BTBD8: variants seen among roughly 807,000 people sequenced by gnomAD.
BTBD8 encodes the protein BTB domain containing 8, also known as BTB/POZ domain-containing protein 8.
Under a neutral mutation model 162.9 loss-of-function variants are expected in BTBD8, and 110 were observed. That is an observed-to-expected ratio of 0.68 (90% CI 0.58 to 0.79). The LOEUF (loss-of-function observed/expected upper bound fraction) is 0.79, where lower values mean the gene tolerates loss of function less well. Ranked by LOEUF, BTBD8 falls within the 30% of genes least tolerant of loss-of-function variation. BTBD8 has a pLI of 0.00. For synonymous variants in BTBD8, 667 were observed against 716.1 expected (o/e 0.93, Z 1.10); for missense variants, 1,905 against 2,085.4 (o/e 0.91, Z 1.68).
At chr1:92,166,925 C>A in intron 9 of BTBD8, 33 bp from the exon 10 acceptor site, 1 of 1,519,176 alleles carries the variant, frequency 6.6e-7, no homozygotes, top group Non-Finnish European at 8.9e-7. Context: ...GCAGTAATAG[C>A]ATCTAACTTT....
intron 7 of BTBD8, among the ~76,000 whole-genome samples, chr1:92,141,749 A>G (rs1649779059): frequency 6.6e-6 from 1 of 152,206 alleles, no homozygotes; most frequent in African/African-American, 2.4e-5. Context: ...CCATTCATAC[A>G]TTATTCTTAG....
At chr1:92,123,379 A>ACT (rs1284921197) in intron 4 of BTBD8, among the ~76,000 whole-genome samples, 1 of 152,210 alleles carries the variant, frequency 6.6e-6, no homozygotes, top group East Asian at 1.9e-4. Flanking sequence ...ATCTATTGCT[A>ACT]CTAAAAATGC....
intron 4 of BTBD8, among the ~76,000 whole-genome samples, chr1:92,121,154 T>G (rs1649197545): frequency 6.6e-6 from 1 of 152,260 alleles, no homozygotes; most frequent in African/African-American, 2.4e-5. Flanking sequence ...TTGATTTTTC[T>G]CCATTCTTTT....
At chr1:92,173,125 A>G (rs1278680561) in intron 13 of BTBD8, among the ~76,000 whole-genome samples, 2 of 152,092 alleles carry the variant, frequency 1.3e-5, no homozygotes, top group Admixed American at 6.6e-5. Context: ...GGGTTTCTCC[A>G]TGTTGTTCAG....
chr1:92,084,157 C>G lies in BTBD8; in HGVS notation c.149+3437C>G, dbSNP rs549360596. On this transcript the variant is annotated intron_variant, in intron 1 of 17. Transcript: ENST00000636805. ...TAAATATATTTTAATTTTATCCCAT[C>G]TTTATCACCATTGATCCTCTCCTGG... Among the ~76,000 whole-genome samples the G allele has an allele frequency of 4.6e-4, 70 of 152,318 alleles. 1 individual carries two copies. The highest frequency in any genetic ancestry group is 9.6e-4 in the East Asian group (5 of 5,184).
At chr1:92,126,688 C>T (rs185826185) in intron 4 of BTBD8, among the ~76,000 whole-genome samples, 7 of 152,304 alleles carry the variant, frequency 4.6e-5, no homozygotes, top group Admixed American at 4.6e-4. Flanking sequence ...GCTGTTACTG[C>T]TTCATTTTGG....
Position 92,177,869 on chromosome 1 carries a change from T to G in BTBD8, c.2412T>G (p.Ile804Met). The change falls in exon 15 of 18, where the codon ATT becomes ATG. Residue 804 changes from isoleucine (I) to methionine (M), a missense_variant. Ile to Met is a conservative substitution (Grantham distance 10). Coordinates refer to ENST00000636805, the MANE Select transcript of BTBD8 (RefSeq NM_001376131.1). ...ATGGAACTTCCAATAAAAAAAGTAT[T>G]CATGAACAAGACACTAATGTAAATA... is the stretch of plus-strand genomic sequence containing the variant. ...VTNGTSNKKS[I>M]HEQDTNVNNS... The G allele has an allele frequency of 3.9e-6, 6 of 1,538,686 alleles. No homozygotes were observed. Among genetic ancestry groups the G allele is most frequent in the Non-Finnish European group, 5.3e-6 (6 of 1,135,554 alleles).
At chr1:92,098,066 G>A (rs1262430582) in intron 2 of BTBD8, among the ~76,000 whole-genome samples, 1 of 152,150 alleles carries the variant, frequency 6.6e-6, no homozygotes, top group East Asian at 1.9e-4. Context: ...AGGCACTCCT[G>A]CCCACGTGTA....
In BTBD8 at chr1:92,184,095, C is replaced by G. The variant is rs1019586764; in HGVS notation, c.5144C>G (p.Thr1715Arg). 2.9e-5 allele frequency: 45 copies of G among 1,551,542 alleles called. No homozygotes were observed. Among genetic ancestry groups the G allele is most frequent in the Non-Finnish European group, 3.8e-5 (44 of 1,146,884 alleles). ...LSEQDSNLDV[T>R]NSVPEDLSLA... ...GAACAGGATTCAAACTTAGATGTTA[C>G]AAATTCCGTTCCTGAAGACTTAAGT... Residue 1715 changes from threonine to arginine, a missense_variant, in exon 18 of 18, where the codon ACA (threonine) becomes AGA (arginine). This residue lies in a region of BTBD8 where 517 missense variants were observed against 606.6 expected (regional missense o/e 0.85). Coordinates refer to ENST00000636805, the MANE Select transcript of BTBD8 (RefSeq NM_001376131.1).
chr1:92,114,135 TTG>T (rs1648976541), intron 4 of BTBD8, among the ~76,000 whole-genome samples: 1 of 151,886 alleles, frequency 6.6e-6, no homozygotes, highest in South Asian at 2.1e-4. Context: ...TAAGAAATAA[TTG>T]TTAAAAAAAA....
chr1:92,143,327 TG>T (rs1217524514), intron 7 of BTBD8, among the ~76,000 whole-genome samples: 3 of 152,076 alleles, frequency 2.0e-5, no homozygotes, highest in Non-Finnish European at 4.4e-5. Flanking sequence ...TTTTAATATG[TG>T]GATGAGTATA....
intron 1 of BTBD8, among the ~76,000 whole-genome samples, chr1:92,084,438 C>T (rs1648100887): frequency 6.6e-6 from 1 of 152,226 alleles, no homozygotes; most frequent in East Asian, 1.9e-4. Flanking sequence ...TGAGGAACAT[C>T]TGAGCTCCTG....
At chr1:92,110,700 G>A (rs1217442766) in intron 4 of BTBD8, among the ~76,000 whole-genome samples, 3 of 151,894 alleles carry the variant, frequency 2.0e-5, no homozygotes, top group Admixed American at 6.6e-5. Context: ...CTGCCACCAC[G>A]CCTGGCTAAT....
chr1:92,094,678 G>A (rs1218875461), intron 2 of BTBD8, among the ~76,000 whole-genome samples: 1 of 152,150 alleles, frequency 6.6e-6, no homozygotes, highest in Non-Finnish European at 1.5e-5. Flanking sequence ...GGAAAGTTGT[G>A]CTTGCTTTAT....
chr1:92,161,014 G>A (rs1455647389), intron 9 of BTBD8, among the ~76,000 whole-genome samples: 1 of 152,188 alleles, frequency 6.6e-6, no homozygotes, highest in Non-Finnish European at 1.5e-5. Context: ...GAGAAGCTGG[G>A]ATCTTATGGT....
chr1:92,132,776 C>T (rs927843112), intron 5 of BTBD8, among the ~76,000 whole-genome samples: 4 of 152,130 alleles, frequency 2.6e-5, no homozygotes, highest in Non-Finnish European at 5.9e-5. Flanking sequence ...AGTGGAGGCT[C>T]ACCTCTAATT....
intron 3 of BTBD8, among the ~76,000 whole-genome samples, chr1:92,103,025 A>G (rs1648630999): frequency 6.6e-6 from 1 of 152,218 alleles, no homozygotes; most frequent in Non-Finnish European, 1.5e-5. Flanking sequence ...AGAAATACAT[A>G]AATACTATAA....
At position 92,126,667 on chromosome 1, in the gene BTBD8, A is replaced by G. The variant is rs180774316; in HGVS notation, c.663-3020A>G. Among the ~76,000 whole-genome samples, 414 of 152,322 alleles carry G rather than the reference A, an allele frequency of 2.7e-3. 2 individuals are homozygous for G. The highest frequency in any genetic ancestry group is 9.5e-3 in the African/African-American group (394 of 41,578). On this transcript the variant is annotated intron_variant, in intron 4 of 17. Coordinates refer to ENST00000636805, the MANE Select transcript of BTBD8 (RefSeq NM_001376131.1). ...CTTGTACACAATTAAATAGAGTTTT[A>G]TGGAGTCTTTGCTGTTACTGCTTCA... is the stretch of plus-strand genomic sequence containing the variant.
intron 4 of BTBD8, among the ~76,000 whole-genome samples, chr1:92,117,981 A>AT (rs1303871112): frequency 6.6e-6 from 1 of 151,882 alleles, no homozygotes; most frequent in Non-Finnish European, 1.5e-5. Flanking sequence ...CAGAATCCTA[A>AT]TTTTTTCTTA....
Sources: gnomAD v4.1 joint callset for allele counts (sites outside exome capture counted in the v4.1 genomes callset) on GRCh38, gnomAD v4.1.1 for gene constraint, gnomAD v4.1.1 regional missense constraint, MANE v1.5 for transcripts, NCBI Gene and HGNC (gene_info 2026-07-23, HGNC 2026-07-21) for gene names.